SMARCC1: variants seen among roughly 807,000 people sequenced by gnomAD.
The protein encoded by SMARCC1 is SWI/SNF related BAF chromatin remodeling complex subunit C1, also known as SWI/SNF complex subunit SMARCC1.
A neutral mutation model predicts 147.4 loss-of-function variants in SMARCC1; 43 were observed. That is an observed-to-expected ratio of 0.29 (90% CI 0.23 to 0.38). SMARCC1 has a LOEUF of 0.38. Ranked by LOEUF, SMARCC1 falls within the 10% of genes least tolerant of loss-of-function variation. SMARCC1 has a pLI of 1.00. For missense variants in SMARCC1, 1,119 were observed against 1,381.1 expected (o/e 0.81, Z 3.01); for synonymous variants, 495 against 484.4 (o/e 1.02, Z -0.29).
At chr3:47,679,139 C>A (rs1483874910) in intron 15 of SMARCC1, among the ~76,000 whole-genome samples, 10 of 146,314 alleles carry the variant, frequency 6.8e-5, no homozygotes, top group African/African-American at 2.5e-4. Flanking sequence ...TCTTGGCACA[C>A]AAAGAAAACA....
chr3:47,632,686 A>G (rs2032908607), intron 24 of SMARCC1, among the ~76,000 whole-genome samples: 1 of 152,200 alleles, frequency 6.6e-6, no homozygotes, highest in Non-Finnish European at 1.5e-5. Flanking sequence ...GGAAGAAAAA[A>G]CCATGCTCTG....
At chr3:47,717,737 T>C (rs2034174241) in intron 7 of SMARCC1, among the ~76,000 whole-genome samples, 1 of 151,908 alleles carries the variant, frequency 6.6e-6, no homozygotes, top group Non-Finnish European at 1.5e-5. Context: ...TGGCTAATTT[T>C]TGTATTTTTT....
intron 26 of SMARCC1, chr3:47,604,221 A>G: frequency 2.2e-6 from 1 of 456,770 alleles, no homozygotes; most frequent in Middle Eastern, 3.3e-4. Flanking sequence ...ACTGATGGAG[A>G]GTTTTGTAGA....
intron 12 of SMARCC1, among the ~76,000 whole-genome samples, chr3:47,691,817 C>A (rs865956327): frequency 6.6e-6 from 1 of 151,772 alleles, no homozygotes; most frequent in Admixed American, 6.6e-5. Context: ...CTGGCCAACC[C>A]GGTAAAACCC....
intron 21 of SMARCC1, among the ~76,000 whole-genome samples, chr3:47,649,958 A>C (rs1036407079): frequency 3.9e-5 from 6 of 152,178 alleles, no homozygotes; most frequent in Admixed American, 1.3e-4. Context: ...GCTACAAAGA[A>C]TCATCGAATG....
rs1559640663 is a variant in SMARCC1 at position 47,671,186 on chromosome 3, A to AAAAAAAAAAAAAC, written c.1840-482_1840-470dup. 1.3e-4 allele frequency among the ~76,000 whole-genome samples: 19 copies of AAAAAAAAAAAAAC among 146,054 alleles called. 2 individuals carry two copies. Among genetic ancestry groups the AAAAAAAAAAAAAC allele is most frequent in the African/African-American group, 4.1e-4 (16 of 39,334 alleles). ...GCGAGACTATCTCAAAAAAAAAAAAAAAAAAAAAAAAACACACACAAAAAC... is the reference window on the plus strand; with the variant it reads ...GCGAGACTATCTCAAAAAAAAAAAAAAAAAAAAAAAAACAAAAAAAAAAAACACACACAAAAAC... On this transcript the variant is annotated intron_variant, in intron 18 of 27. Coordinates refer to ENST00000254480, the MANE Select transcript of SMARCC1 (RefSeq NM_003074.4).
Position 47,678,320 on chromosome 3 carries a change from C to T in SMARCC1, c.1458-9G>A, listed in dbSNP as rs1207021499. On this transcript the variant is annotated splice_polypyrimidine_tract_variant and intron_variant, in intron 15 of 27. Coordinates refer to ENST00000254480, the MANE Select transcript of SMARCC1 (RefSeq NM_003074.4). ...TTCGATATGCCAAGTATCTAAAAAG[C>T]AATGGCAAAATTCATAAGGTGGACA... 1 of 1,472,052 alleles carries T rather than the reference C, an allele frequency of 6.8e-7. No homozygotes were observed. The highest frequency in any genetic ancestry group is 9.4e-7 in the Non-Finnish European group (1 of 1,064,086). 91.2% of individuals were successfully genotyped at this position (1,472,052 alleles called of 1,614,324 possible).
intron 19 of SMARCC1, among the ~76,000 whole-genome samples, chr3:47,666,063 T>C (rs937087866): frequency 2.6e-5 from 4 of 152,218 alleles, no homozygotes; most frequent in Non-Finnish European, 5.9e-5. Flanking sequence ...TTATTATGTG[T>C]CATTATCTTA....
At position 47,772,859 on chromosome 3, in the gene SMARCC1, G is replaced by A. The variant is rs752117418; in HGVS notation, c.273C>T (p.Ala91=). The A allele has an allele frequency of 2.3e-5, 37 of 1,613,026 alleles. No homozygotes were observed. In the Admixed American group the frequency reaches 5.8e-4, roughly 25 times the overall value. ...CCGGGTTGGTGACATGCTTCCCAAA[G>A]GCATCTTCCTGGAACTGAAGAAGCT... ...VVQLLQFQED[A]FGKHVTNPAF... is the part of the protein sequence containing the mutation. Residue 91 remains alanine, a synonymous_variant, in exon 2 of 28, where the codon GCC becomes GCT. Coordinates refer to ENST00000254480, the MANE Select transcript of SMARCC1 (RefSeq NM_003074.4).
intron 19 of SMARCC1, 146 bp downstream of exon 19, chr3:47,670,512 A>G: frequency 1.6e-6 from 1 of 634,840 alleles, no homozygotes; most frequent in Non-Finnish European, 2.9e-6. Flanking sequence ...TGAGCCTGGG[A>G]GGTAGAGGCT....
chr3:47,639,787 G>A (rs2033025400), intron 21 of SMARCC1, among the ~76,000 whole-genome samples: 1 of 151,966 alleles, frequency 6.6e-6, no homozygotes, highest in Non-Finnish European at 1.5e-5. Context: ...GAGTGGCAGG[G>A]AAGAAACAAA....
chr3:47,707,669 T>C (rs931956290), intron 9 of SMARCC1, among the ~76,000 whole-genome samples: 1 of 152,022 alleles, frequency 6.6e-6, no homozygotes, highest in Non-Finnish European at 1.5e-5. Context: ...AGCCCAGAAG[T>C]TCAAGACCAG....
At chr3:47,777,106 G>A (rs1027744902) in intron 1 of SMARCC1, among the ~76,000 whole-genome samples, 5 of 148,652 alleles carry the variant, frequency 3.4e-5, no homozygotes, top group Admixed American at 2.7e-4. Context: ...TTTTTTGAGA[G>A]AGTCTTGCTC....
In SMARCC1 at chr3:47,706,574, C is replaced by T. The variant is rs7649785; in HGVS notation, c.919-44G>A. On this transcript the variant is annotated intron_variant, in intron 9 of 27. Transcript: ENST00000254480. The stretch of plus-strand genomic sequence containing the variant: ...AAATAAGTATCAGCTATCTTTGCTC[C>T]TCAGTTTCTACAAATCCTTGGCAAA... 2,990 of 1,490,240 alleles carry T rather than the reference C, an allele frequency of 2.0e-3. 55 individuals are homozygous for T. The African/African-American group carries it at 0.037, about 18-fold the overall frequency. The allele number at this position is 1,490,240 out of a possible 1,614,324, so 92.3% of individuals were successfully genotyped here.
intron 26 of SMARCC1, among the ~76,000 whole-genome samples, chr3:47,595,471 G>T (rs1400805394): frequency 6.6e-6 from 1 of 151,902 alleles, no homozygotes; most frequent in Non-Finnish European, 1.5e-5. Flanking sequence ...AGGTTGCAGT[G>T]AGCCGAGAAT....
At chr3:47,700,003 AT>A (rs1221638513) in intron 11 of SMARCC1, among the ~76,000 whole-genome samples, 2 of 151,786 alleles carry the variant, frequency 1.3e-5, no homozygotes, top group South Asian at 2.1e-4. Flanking sequence ...TAAATCCTAG[AT>A]TTTTTTCTTC....
chr3:47,638,255 G>A (rs1158391110), intron 22 of SMARCC1, among the ~76,000 whole-genome samples: 1 of 152,066 alleles, frequency 6.6e-6, no homozygotes, highest in Non-Finnish European at 1.5e-5. Context: ...ACCACGCCTG[G>A]CTAATTTTTT....
intron 2 of SMARCC1, among the ~76,000 whole-genome samples, chr3:47,768,450 G>A (rs1348469000): frequency 3.9e-5 from 6 of 152,046 alleles, no homozygotes; most frequent in Non-Finnish European, 5.9e-5. Context: ...GAGTCAAATA[G>A]CCTACATATA....
chr3:47,631,147 A>G (rs904102972), intron 24 of SMARCC1, among the ~76,000 whole-genome samples: 17 of 152,078 alleles, frequency 1.1e-4, no homozygotes, highest in East Asian at 3.9e-4. Flanking sequence ...ATGAAAGAGA[A>G]AGAGAGAAGG....
Sources: gnomAD v4.1 joint callset for allele counts (sites outside exome capture counted in the v4.1 genomes callset) on GRCh38, gnomAD v4.1.1 for gene constraint, MANE v1.5 for transcripts, NCBI Gene and HGNC (gene_info 2026-07-23, HGNC 2026-07-21) for gene names.